Variants in PIBF1 observed in about 807,000 individuals in gnomAD.
PIBF1 encodes the protein progesterone-induced-blocking factor 1.
Under a neutral mutation model 112.5 loss-of-function variants are expected in PIBF1, and 90 were observed. That is an observed-to-expected ratio of 0.80 (90% CI 0.67 to 0.95). The LOEUF (loss-of-function observed/expected upper bound fraction) is 0.95, where lower values mean the gene tolerates loss of function less well. PIBF1 is among the 40% of genes least tolerant of loss of function. The pLI is 0.00. For synonymous variants in PIBF1, 301 were observed against 288.6 expected, an observed-to-expected ratio of 1.04 and a Z score of -0.44; for missense variants, 915 against 852.3, an observed-to-expected ratio of 1.07 and a Z score of -0.92.
At chr13:72,955,172 C>T (rs147067192) in intron 14 of PIBF1, among the ~76,000 whole-genome samples, 3 of 152,296 alleles carry the variant, frequency 2.0e-5, no homozygotes, top group African/African-American at 7.2e-5. Context: ...ATGGCTGATT[C>T]ATTACATGGA....
intron 2 of PIBF1, among the ~76,000 whole-genome samples, chr13:72,790,384 T>C (rs2034833934): frequency 6.6e-6 from 1 of 151,370 alleles, no homozygotes; most frequent in Non-Finnish European, 1.5e-5. Flanking sequence ...TATAGATTCC[T>C]AAATGTAATT....
chr13:72,962,545 C>T (rs1716328051), intron 14 of PIBF1, among the ~76,000 whole-genome samples: 1 of 150,960 alleles, frequency 6.6e-6, no homozygotes, highest in African/African-American at 2.4e-5. Context: ...TGCAGTGAGC[C>T]ATGATGTTGC....
At chr13:72,885,001 A>C (rs1353877271) in intron 10 of PIBF1, among the ~76,000 whole-genome samples, 1 of 152,108 alleles carries the variant, frequency 6.6e-6, no homozygotes, top group African/African-American at 2.4e-5. Flanking sequence ...ACATTCTTGT[A>C]GGTAGGCTAG....
intron 14 of PIBF1, among the ~76,000 whole-genome samples, chr13:72,937,769 C>T (rs1166487762): frequency 6.6e-6 from 1 of 151,962 alleles, no homozygotes; most frequent in Non-Finnish European, 1.5e-5. Context: ...GAGCCGAGAT[C>T]GCGCCACTTC....
At position 72,848,406 on chromosome 13, in the gene PIBF1, G is replaced by A. The variant is rs181436699; in HGVS notation, c.1224-5651G>A. ...TCTATTGTTACGAATGTTTTATAAT[G>A]AGGTTTTCAAGTTTCAGTTGTGAGC... On this transcript the variant is annotated intron_variant, in intron 9 of 17. Coordinates refer to ENST00000326291, the MANE Select transcript of PIBF1 (RefSeq NM_006346.4). Among the ~76,000 whole-genome samples, 178 of 152,200 alleles carry A rather than the reference G, an allele frequency of 1.2e-3. 1 individual carries two copies. The highest frequency in any genetic ancestry group is 0.011 in the Admixed American group (169 of 15,286).
chr13:72,791,575 G>T (rs919772684), intron 2 of PIBF1, among the ~76,000 whole-genome samples: 1 of 152,154 alleles, frequency 6.6e-6, no homozygotes, highest in Non-Finnish European at 1.5e-5. Context: ...TTATGCCACA[G>T]TGTTTAGAAT....
chr13:72,927,972 T>C lies in PIBF1; in HGVS notation c.1731-3193T>C, dbSNP rs376219570. On this transcript the variant is annotated intron_variant, in intron 13 of 17. Transcript: ENST00000326291. ...ATATATATATATACACATATATATA[T>C]ATATACATATATATATACACACACA... is the stretch of plus-strand genomic sequence containing the variant. 9.6e-4 allele frequency among the ~76,000 whole-genome samples: 70 copies of C among 72,656 alleles called. 4 individuals carry two copies. Among genetic ancestry groups the C allele is most frequent in the South Asian group, 4.6e-3 (11 of 2,370 alleles). The allele number at this position is 72,656 out of a possible 152,430, so 47.7% of individuals were successfully genotyped here. A position where few individuals can be genotyped will look rare whatever the true frequency, so the allele number is the denominator to read the frequency against.
chr13:72,949,298 G>GTTTTTTTTTT (rs1566481285), intron 14 of PIBF1, among the ~76,000 whole-genome samples: 1 of 80,936 alleles, frequency 1.2e-5, no homozygotes, highest in Non-Finnish European at 2.4e-5. Context: ...ACAAATAGCT[G>GTTTTTTTTTT]TCTTTTTTTT....
intron 5 of PIBF1, among the ~76,000 whole-genome samples, chr13:72,811,608 A>AAAAAAAAG (rs199831981): frequency 1.4e-5 from 2 of 139,652 alleles, no homozygotes; most frequent in Non-Finnish European, 3.0e-5. Context: ...AAAAAAAAAA[A>AAAAAAAAG]AGAGAGAGAA....
intron 2 of PIBF1, among the ~76,000 whole-genome samples, chr13:72,789,195 C>T (rs943119293): frequency 2.0e-5 from 3 of 151,926 alleles, no homozygotes; most frequent in African/African-American, 7.3e-5. Flanking sequence ...TCTTGCCTTT[C>T]AAATTTTTAG....
At chr13:72,836,711 A>G (rs1352235558) in intron 9 of PIBF1, among the ~76,000 whole-genome samples, 5 of 152,092 alleles carry the variant, frequency 3.3e-5, no homozygotes, top group African/African-American at 1.2e-4. Context: ...TTGTGGTAAT[A>G]AGAGAGTAGA....
intron 10 of PIBF1, among the ~76,000 whole-genome samples, chr13:72,861,025 T>TA (rs1196496100): frequency 6.6e-6 from 1 of 152,200 alleles, no homozygotes; most frequent in Non-Finnish European, 1.5e-5. Context: ...AATACACTGT[T>TA]ACATTCGTGG....
At chr13:73,011,611 GA>G (rs947057036) in intron 17 of PIBF1, among the ~76,000 whole-genome samples, 7 of 151,576 alleles carry the variant, frequency 4.6e-5, no homozygotes, top group African/African-American at 1.2e-4. Context: ...CCTAAGAAGG[GA>G]AAAAAAACTG....
intron 5 of PIBF1, among the ~76,000 whole-genome samples, chr13:72,813,530 T>C (rs1281218406): frequency 1.3e-5 from 2 of 152,196 alleles, no homozygotes; most frequent in African/African-American, 4.8e-5. Context: ...TCTGAAGTCT[T>C]CTTTAGTCAC....
intron 9 of PIBF1, among the ~76,000 whole-genome samples, chr13:72,852,442 GCACCCCTTGCTCACA>G (rs1323828061): frequency 1.3e-5 from 2 of 152,148 alleles, no homozygotes; most frequent in South Asian, 2.1e-4. Flanking sequence ...ACTTGCTCAC[GCACCCCTTGCTCACA>G]CACCCCTTGC....
At chr13:72,832,769 G>A (rs2037183084) in intron 8 of PIBF1, among the ~76,000 whole-genome samples, 1 of 152,152 alleles carries the variant, frequency 6.6e-6, no homozygotes, top group African/African-American at 2.4e-5. Flanking sequence ...TTCTCAACAA[G>A]TATCTTTGTC....
At chr13:72,908,826 A>G (rs1566434963) in intron 12 of PIBF1, 145 bp downstream of exon 12, 2 of 585,500 alleles carry the variant, frequency 3.4e-6, no homozygotes, top group East Asian at 6.6e-5. Flanking sequence ...AGGTGGGCAA[A>G]TCACTTGAGG....
intron 9 of PIBF1, 95 bp from the exon 10 acceptor site, chr13:72,853,962 G>T (rs2038291453): frequency 5.2e-6 from 5 of 957,302 alleles, no homozygotes; most frequent in Non-Finnish European, 8.1e-6. Flanking sequence ...CAACTTCTCA[G>T]ATGGGTCCTT....
At position 72,782,270 on chromosome 13, in the gene PIBF1, A is replaced by G. The variant is rs2034296891; in HGVS notation, c.-127A>G. 3 of 169,600 alleles carry G rather than the reference A, an allele frequency of 1.8e-5. No homozygotes were observed. The South Asian group carries it at 5.8e-4, about 33-fold the overall frequency. 10.5% of individuals were successfully genotyped at this position (169,600 alleles called of 1,614,324 possible). Reference sequence around the variant, plus strand: ...GAGGGCCTGCAACCTTGTGCTTCCGACCGGAGACGCCTTTGGTCCCTCGGT... The same window carrying G: ...GAGGGCCTGCAACCTTGTGCTTCCGGCCGGAGACGCCTTTGGTCCCTCGGT... On this transcript the variant is annotated 5_prime_UTR_variant, in exon 1 of 18. Coordinates refer to ENST00000326291, the MANE Select transcript of PIBF1 (RefSeq NM_006346.4).
Sources: allele counts gnomAD v4.1 joint callset (sites outside exome capture counted in the v4.1 genomes callset), GRCh38; gene constraint gnomAD v4.1.1; transcripts MANE v1.5; gene names NCBI Gene and HGNC (gene_info 2026-07-23, HGNC 2026-07-21).